The following GIPC2 variants were observed in gnomAD, a reference collection of about 807,000 sequenced individuals.
GIPC2 encodes GIPC PDZ domain containing family member 2, also known as PDZ domain-containing protein GIPC2.
A neutral mutation model predicts 30.6 loss-of-function variants in GIPC2; 30 were observed. The observed-to-expected ratio is 0.98, with a 90% confidence interval of 0.73 to 1.33. GIPC2 has a LOEUF of 1.33. GIPC2 is among the 40% of genes most tolerant of loss of function. GIPC2 has a pLI of 0.00. For synonymous variants in GIPC2, 167 were observed against 150.0 expected, an observed-to-expected ratio of 1.11 and a Z score of -0.83; for missense variants, 414 against 390.3, an observed-to-expected ratio of 1.06 and a Z score of -0.51.
intron 4 of GIPC2, among the ~76,000 whole-genome samples, chr1:78,120,863 T>G (rs1486712781): frequency 6.6e-6 from 1 of 152,120 alleles, no homozygotes; most frequent in Non-Finnish European, 1.5e-5. Flanking sequence ...CAAGATGAGA[T>G]TTGGGTGGGG....
intron 2 of GIPC2, chr1:78,091,563 G>T: frequency 1.3e-6 from 1 of 756,276 alleles, no homozygotes; most frequent in South Asian, 1.4e-5. Flanking sequence ...GATTTCAGCG[G>T]CAACCTCTCG....
intron 3 of GIPC2, among the ~76,000 whole-genome samples, chr1:78,113,107 T>C (rs556170): frequency 0.25 from 37,396 of 152,060 alleles, 5,141 homozygotes; most frequent in East Asian, 0.67. Flanking sequence ...TGTACATTCT[T>C]TTATCACTCT....
intron 1 of GIPC2, among the ~76,000 whole-genome samples, chr1:78,073,447 A>T (rs903206070): frequency 6.6e-6 from 1 of 152,140 alleles, no homozygotes; most frequent in Admixed American, 6.5e-5. Context: ...TATTTCTATA[A>T]TGTTTATTTG....
chr1:78,080,967 C>CA, intron 2 of GIPC2, 107 bp downstream of exon 2: 1 of 525,032 alleles, frequency 1.9e-6, no homozygotes, highest in Non-Finnish European at 3.3e-6. Flanking sequence ...GCCCGCTCAG[C>CA]AAGGATGCAT....
chr1:78,117,815 C>G (rs751597352), intron 3 of GIPC2, among the ~76,000 whole-genome samples: 44 of 152,154 alleles, frequency 2.9e-4, no homozygotes, highest in Admixed American at 5.2e-4. Flanking sequence ...CCATAGATCT[C>G]TTTTGTTTTT....
At chr1:78,060,146 C>A (rs939922474) in intron 1 of GIPC2, among the ~76,000 whole-genome samples, 1 of 151,256 alleles carries the variant, frequency 6.6e-6, no homozygotes, top group Non-Finnish European at 1.5e-5. Context: ...GTAATCAATT[C>A]GTAAGATCTA....
intron 1 of GIPC2, among the ~76,000 whole-genome samples, chr1:78,063,422 A>G (rs776645835): frequency 3.3e-5 from 5 of 151,058 alleles, no homozygotes; most frequent in Non-Finnish European, 7.4e-5. Flanking sequence ...AACCTGGGAA[A>G]TGGAGGTTGC....
Position 78,119,482 on chromosome 1 carries a change from G to C in GIPC2, c.697G>C (p.Ala233Pro). Residue 233 changes from alanine (A) to proline (P), a missense_variant, in exon 4 of 6, where the codon GCC (alanine) becomes CCC (proline). By Grantham distance (27) the Ala-to-Pro change is conservative. Transcript: ENST00000370759. ...ATLRLRSKGPATVEEMPSETK... is the reference protein window; with the variant it reads ...ATLRLRSKGPPTVEEMPSETK... ...ACTTCGCCTGAGATCAAAAGGTCCT[G>C]CCACCGTGGAAGAAATGGTATGTTA... The C allele has an allele frequency of 6.2e-7, 1 of 1,605,066 alleles. No individual in the cohort carries two copies. Among genetic ancestry groups the C allele is most frequent in the Non-Finnish European group, 8.5e-7 (1 of 1,171,904 alleles).
chr1:78,080,648 G>A (rs765529388), intron 1 of GIPC2, 27 bp from the exon 2 acceptor site: 1 of 1,375,364 alleles, frequency 7.3e-7, no homozygotes, highest in South Asian at 1.3e-5. Context: ...AGTGGAAATG[G>A]ACCTGACATT....
At chr1:78,062,529 A>AG in intron 1 of GIPC2, among the ~76,000 whole-genome samples, 1 of 143,668 alleles carries the variant, frequency 7.0e-6, no homozygotes, top group Non-Finnish European at 1.5e-5. Flanking sequence ...TTAATTTGAG[A>AG]GGGGGTCTCA....
chr1:78,103,394 C>T (rs976748717), intron 3 of GIPC2, among the ~76,000 whole-genome samples: 1 of 152,154 alleles, frequency 6.6e-6, no homozygotes, highest in Non-Finnish European at 1.5e-5. Flanking sequence ...TGTTTACTTA[C>T]CCATAAAGTA....
chr1:78,136,946 G>A lies in GIPC2; in HGVS notation c.*1203G>A, dbSNP rs1247892398. ...ATGGAAAATGCTGTGTGCTGCCATG[G>A]TAATCAGAAATAATAACCTGTTAGG... On this transcript the variant is annotated 3_prime_UTR_variant, in exon 6 of 6. Coordinates refer to ENST00000370759, the MANE Select transcript of GIPC2 (RefSeq NM_017655.6). 2 of 152,090 alleles carry A rather than the reference G, an allele frequency of 1.3e-5. No individual in the cohort carries two copies. Among genetic ancestry groups the A allele is most frequent in the African/African-American group, 2.4e-5 (1 of 41,424 alleles). The allele number at this position is 152,090 out of a possible 1,614,324, so 9.4% of individuals were successfully genotyped here. A position where few individuals can be genotyped will look rare whatever the true frequency, so the allele number is the denominator to read the frequency against.
Position 78,136,224 on chromosome 1 carries a change from C to CT in GIPC2, c.*482dup, listed in dbSNP as rs1663000961. 1 of 151,916 alleles carries CT rather than the reference C, an allele frequency of 6.6e-6. No individual in the cohort carries two copies. Among genetic ancestry groups the CT allele is most frequent in the South Asian group, 2.1e-4 (1 of 4,816 alleles). The allele number at this position is 151,916 out of a possible 1,614,324, so 9.4% of individuals were successfully genotyped here. A position where few individuals can be genotyped will look rare whatever the true frequency, so the allele number is the denominator to read the frequency against. ...AAGGTGAATTATGCCCCTTATTGGT[C>CT]TAGAAGCATTGGTTTTTTTTTGATC... On this transcript the variant is annotated 3_prime_UTR_variant, in exon 6 of 6. Transcript: ENST00000370759.
chr1:78,134,336 GTGTATGTA>G (rs1336167525), intron 5 of GIPC2, among the ~76,000 whole-genome samples: 1 of 142,184 alleles, frequency 7.0e-6, no homozygotes, highest in Non-Finnish European at 1.5e-5. Context: ...CTGTGTATGT[GTGTATGTA>G]TGTGTGTGTG....
chr1:78,046,011 G>C lies in GIPC2; in HGVS notation c.-84G>C, dbSNP rs1430942982. ...TTGGAGGCTGCTTTTACCTGCGCGG[G>C]GCCCGGGGCGCAAAGTCCGAGGCGC... On this transcript the variant is annotated 5_prime_UTR_variant, in exon 1 of 6. Coordinates refer to ENST00000370759, the MANE Select transcript of GIPC2 (RefSeq NM_017655.6). 3 of 1,395,124 alleles carry C rather than the reference G, an allele frequency of 2.2e-6. No homozygotes were observed. Among genetic ancestry groups the C allele is most frequent in the Non-Finnish European group, 2.8e-6 (3 of 1,077,564 alleles). The allele number at this position is 1,395,124 out of a possible 1,614,324, so 86.4% of individuals were successfully genotyped here.
chr1:78,127,584 T>C (rs1383486228), intron 5 of GIPC2, among the ~76,000 whole-genome samples: 1 of 152,206 alleles, frequency 6.6e-6, no homozygotes, highest in Non-Finnish European at 1.5e-5. Context: ...TCCATTTTGG[T>C]TTGGTCTGTT....
At chr1:78,129,322 A>C (rs899654678) in intron 5 of GIPC2, among the ~76,000 whole-genome samples, 12 of 152,238 alleles carry the variant, frequency 7.9e-5, no homozygotes, top group Non-Finnish European at 1.8e-4. Context: ...AATATAAATC[A>C]CAAGTGTGAT....
Position 78,136,056 on chromosome 1 carries a change from G to T in GIPC2, c.*313G>T. ...TCTTCTCCATTAATACCCATGCTTT[G>T]TTTTTCACATATAAATAGATGATTT... is the stretch of plus-strand genomic sequence containing the variant. On this transcript the variant is annotated 3_prime_UTR_variant, in exon 6 of 6. Transcript: ENST00000370759. The T allele has an allele frequency of 5.3e-6, 1 of 188,280 alleles. No homozygotes were observed. The allele number at this position is 188,280 out of a possible 1,614,324, so 11.7% of individuals were successfully genotyped here.
intron 2 of GIPC2, among the ~76,000 whole-genome samples, chr1:78,086,615 G>C (rs1000496585): frequency 6.6e-6 from 1 of 152,060 alleles, no homozygotes. Context: ...TCCTGTGTTG[G>C]GTGCATATAT....
Sources: gnomAD v4.1 joint callset for allele counts (sites outside exome capture counted in the v4.1 genomes callset) on GRCh38, gnomAD v4.1.1 for gene constraint, MANE v1.5 for transcripts, NCBI Gene and HGNC (gene_info 2026-07-23, HGNC 2026-07-21) for gene names.